Variants in WDR37 observed in about 807,000 individuals in gnomAD.
WDR37 encodes the protein WD repeat domain 37.
A neutral mutation model predicts 62.9 loss-of-function variants in WDR37; 19 were observed. The ratio of observed to expected loss-of-function variants is 0.30; its 90% CI spans 0.21 to 0.44. The LOEUF is 0.44. WDR37 is among the 20% of genes least tolerant of loss of function. WDR37 has a pLI of 1.00. For synonymous variants in WDR37, 250 were observed against 260.9 expected, an observed-to-expected ratio of 0.96 and a Z score of 0.40; for missense variants, 474 against 657.6, an observed-to-expected ratio of 0.72 and a Z score of 3.05.
chr10:1,127,976 T>C (rs1390268136), intron 13 of WDR37, among the ~76,000 whole-genome samples: 2 of 152,262 alleles, frequency 1.3e-5, no homozygotes, highest in Non-Finnish European at 2.9e-5. Context: ...AGTTTCACTG[T>C]GCAGAGCTCT....
intron 13 of WDR37, among the ~76,000 whole-genome samples, chr10:1,127,862 G>A (rs1475504535): frequency 6.6e-6 from 1 of 152,254 alleles, no homozygotes; most frequent in Admixed American, 6.5e-5. Context: ...TGGCAATGCT[G>A]TGGGCGCATG....
chr10:1,075,916 A>G (rs1331353444), intron 2 of WDR37, among the ~76,000 whole-genome samples: 3 of 151,486 alleles, frequency 2.0e-5, no homozygotes, highest in African/African-American at 4.9e-5. Flanking sequence ...AATAGCTGGG[A>G]TTACAGGTGC....
At chr10:1,063,948 A>G (rs1388090147) in intron 1 of WDR37, among the ~76,000 whole-genome samples, 1 of 152,216 alleles carries the variant, frequency 6.6e-6, no homozygotes, top group African/African-American at 2.4e-5. Context: ...ACTCATAGGA[A>G]AATCTCAACC....
chr10:1,085,251 C>G (rs1216180918), intron 6 of WDR37, among the ~76,000 whole-genome samples: 2 of 152,006 alleles, frequency 1.3e-5, no homozygotes, highest in East Asian at 3.9e-4. Context: ...GGATTACAGG[C>G]GTGAGCCATC....
intron 11 of WDR37, among the ~76,000 whole-genome samples, chr10:1,106,335 C>A (rs562615087): frequency 6.6e-6 from 1 of 152,204 alleles, no homozygotes; most frequent in Non-Finnish European, 1.5e-5. Flanking sequence ...CCATGCTCCC[C>A]CTACCTCCCA....
At chr10:1,064,814 A>G (rs1050537771) in intron 1 of WDR37, among the ~76,000 whole-genome samples, 5 of 150,738 alleles carry the variant, frequency 3.3e-5, no homozygotes, top group African/African-American at 1.2e-4. Flanking sequence ...CTGGTCTTGA[A>G]CTCCTGACCT....
chr10:1,066,940 G>A (rs1224727960), intron 1 of WDR37, among the ~76,000 whole-genome samples: 1 of 152,172 alleles, frequency 6.6e-6, no homozygotes, highest in Non-Finnish European at 1.5e-5. Context: ...GATCTTGTGA[G>A]ACTTACTATC....
At chr10:1,074,450 A>T (rs1282744702) in intron 2 of WDR37, 1 of 1,304,222 alleles carries the variant, frequency 7.7e-7, no homozygotes, top group Admixed American at 2.3e-5. Context: ...CTCGCTCCCT[A>T]GACGGAGCTC....
intron 2 of WDR37, chr10:1,074,632 C>T (rs540729860): frequency 4.9e-6 from 4 of 816,948 alleles, no homozygotes; most frequent in African/African-American, 3.6e-5. Context: ...GTCTGCCGCA[C>T]GCGTTTGGCA....
chr10:1,127,314 G>A (rs775876945), intron 13 of WDR37, among the ~76,000 whole-genome samples: 2 of 152,286 alleles, frequency 1.3e-5, no homozygotes. Flanking sequence ...ATTCTGTTGT[G>A]CCTGGGTTTA....
In WDR37 at chr10:1,071,856, A is replaced by G. The variant is rs187506710; in HGVS notation, c.-40-260A>G. On this transcript the variant is annotated intron_variant, in intron 1 of 13. Coordinates refer to ENST00000263150, the MANE Select transcript of WDR37 (RefSeq NM_014023.4). ...AATTCCGTTGGGTTAAGGGAGAGCA[A>G]TTTTTTTTTTAAATTTTAAACCTCT... Among the ~76,000 whole-genome samples the G allele has an allele frequency of 3.0e-4, 45 of 150,766 alleles. No individual in the cohort carries two copies. The East Asian group carries it at 7.2e-3, about 24-fold the overall frequency.
In WDR37 at chr10:1,129,326, A is replaced by G. The variant is rs535687347; in HGVS notation, c.1467A>G (p.Ala489=). The change falls in exon 14 of 14, where the codon GCA becomes GCG. Residue 489 remains alanine, a synonymous_variant. Transcript: ENST00000263150. ...TTGGTTGGAACATCAACATCCCTGC[A>G]TTGCTACAAGAAAAATAAGGACACC... is the stretch of plus-strand genomic sequence containing the variant. ...QAIGWNINIP[A]LLQEK 1 of 1,614,076 alleles carries G rather than the reference A, an allele frequency of 6.2e-7. No homozygotes were observed. The highest frequency in any genetic ancestry group is 1.7e-5 in the Admixed American group (1 of 60,006).
At chr10:1,078,775 A>G (rs949175312) in intron 3 of WDR37, among the ~76,000 whole-genome samples, 1 of 152,226 alleles carries the variant, frequency 6.6e-6, no homozygotes, top group African/African-American at 2.4e-5. Flanking sequence ...TTGGCCTCCC[A>G]AAGTGCTGGG....
At position 1,124,944 on chromosome 10, in the gene WDR37, C is replaced by G; in HGVS notation, c.1273C>G (p.Leu425Val). The G allele has an allele frequency of 2.5e-6, 4 of 1,614,198 alleles. No homozygotes were observed. The highest frequency in any genetic ancestry group is 3.4e-6 in the Non-Finnish European group (4 of 1,180,032). ...NVCVGQKIIA[L>V]PHDNRQVRLF... ...ATGTGTCGGCCAAAAAATCATAGCC[C>G]TCCCCCATGACAACCGACAAGTGAG... is the stretch of plus-strand genomic sequence containing the variant. Residue 425 changes from leucine to valine, a missense_variant, in exon 13 of 14, where the codon CTC (leucine) becomes GTC (valine). By Grantham distance (32) the Leu-to-Val change is conservative. Coordinates refer to ENST00000263150, the MANE Select transcript of WDR37 (RefSeq NM_014023.4).
intron 1 of WDR37, among the ~76,000 whole-genome samples, chr10:1,070,120 C>A (rs1271493594): frequency 1.3e-5 from 2 of 150,564 alleles, no homozygotes; most frequent in Admixed American, 1.3e-4. Flanking sequence ...GCACGAGATT[C>A]TTGCTTGAAC....
intron 7 of WDR37, among the ~76,000 whole-genome samples, chr10:1,089,382 TGGGCCTGGGGGCCTCA>T (rs1440535098): frequency 6.6e-6 from 1 of 152,140 alleles, no homozygotes; most frequent in Non-Finnish European, 1.5e-5. Context: ...CTGGGGCCTC[TGGGCCTGGGGGCCTCA>T]GGGCTTCCAT....
At chr10:1,102,882 T>A (rs1012121732) in intron 9 of WDR37, among the ~76,000 whole-genome samples, 2 of 152,212 alleles carry the variant, frequency 1.3e-5, no homozygotes, top group Non-Finnish European at 2.9e-5. Context: ...GGGCAGGGGC[T>A]TTACCAGGGG....
At chr10:1,123,112 C>T (rs2127608) in intron 11 of WDR37, among the ~76,000 whole-genome samples, 57,108 of 151,996 alleles carry the variant, frequency 0.38, 12,227 homozygotes, top group South Asian at 0.49. Flanking sequence ...TTCGGTTCCT[C>T]GAGCCTCTCC....
intron 7 of WDR37, among the ~76,000 whole-genome samples, chr10:1,089,064 T>C (rs76180236): frequency 6.6e-6 from 1 of 152,232 alleles, no homozygotes; most frequent in East Asian, 1.9e-4. Context: ...CGCTTTCCCT[T>C]GTTCTAAGGG....
Sources: allele counts gnomAD v4.1 joint callset (sites outside exome capture counted in the v4.1 genomes callset), GRCh38; gene constraint gnomAD v4.1.1; transcripts MANE v1.5; gene names NCBI Gene and HGNC (gene_info 2026-07-23, HGNC 2026-07-21).